The following SLC25A12 variants were observed in gnomAD, a reference collection of about 807,000 sequenced individuals.
The protein encoded by SLC25A12 is solute carrier family 25 member 12, also known as electrogenic aspartate/glutamate antiporter SLC25A12, mitochondrial.
SLC25A12 carries 32 observed loss-of-function variants against 83.3 expected under a neutral mutation model. The ratio of observed to expected loss-of-function variants is 0.38; its 90% confidence interval spans 0.29 to 0.52. The LOEUF (loss-of-function observed/expected upper bound fraction) is 0.52. Among genes scored for constraint, SLC25A12 ranks in the 20% least tolerant of loss-of-function variants. SLC25A12 has a pLI of 0.84. For synonymous variants in SLC25A12, 267 were observed against 291.1 expected, an observed-to-expected ratio of 0.92 and a Z score of 0.84; for missense variants, 611 against 835.6, an observed-to-expected ratio of 0.73 and a Z score of 3.31.
chr2:171,817,600 CAAAAAAA>C (rs71013076), intron 9 of SLC25A12, among the ~76,000 whole-genome samples: 74 of 64,260 alleles, frequency 1.2e-3, no homozygotes, highest in Admixed American at 3.7e-3. Flanking sequence ...GACTCTGCCT[CAAAAAAA>C]AAAAAAAAAA....
chr2:171,801,205 G>C (rs918106500), intron 13 of SLC25A12, among the ~76,000 whole-genome samples: 1 of 152,234 alleles, frequency 6.6e-6, no homozygotes, highest in East Asian at 1.9e-4. Context: ...GATTTATTTT[G>C]ACACAATCAA....
chr2:171,812,468 G>C (rs1272773342), intron 11 of SLC25A12, among the ~76,000 whole-genome samples: 2 of 152,170 alleles, frequency 1.3e-5, no homozygotes, highest in African/African-American at 4.8e-5. Context: ...ATGGACTTGA[G>C]CATGTAGAGA....
At chr2:171,824,242 T>C (rs1684253483) in intron 9 of SLC25A12, among the ~76,000 whole-genome samples, 1 of 152,220 alleles carries the variant, frequency 6.6e-6, no homozygotes, top group Non-Finnish European at 1.5e-5. Flanking sequence ...TCATCTTGAA[T>C]CTGTCTTAAA....
intron 3 of SLC25A12, among the ~76,000 whole-genome samples, chr2:171,861,578 T>C (rs1054325824): frequency 3.3e-5 from 5 of 152,184 alleles, no homozygotes; most frequent in African/African-American, 1.2e-4. Flanking sequence ...GGTTAATTTT[T>C]AAATGTTTTT....
intron 1 of SLC25A12, 134 bp downstream of exon 1, chr2:171,894,069 C>T: frequency 8.0e-7 from 1 of 1,247,680 alleles, no homozygotes; most frequent in Non-Finnish European, 1.1e-6. Flanking sequence ...GCTCTCCCCG[C>T]AGCAAGCCGG....
intron 3 of SLC25A12, among the ~76,000 whole-genome samples, chr2:171,868,284 C>A (rs1388150802): frequency 6.6e-6 from 1 of 150,914 alleles, no homozygotes; most frequent in Admixed American, 6.6e-5. Context: ...ATTCTAGATA[C>A]CCGTAGGTAA....
intron 2 of SLC25A12, among the ~76,000 whole-genome samples, chr2:171,872,601 A>G (rs1395774053): frequency 6.6e-6 from 1 of 152,220 alleles, no homozygotes; most frequent in Non-Finnish European, 1.5e-5. Context: ...AGTTCCATCC[A>G]CCAGTAACTA....
At chr2:171,852,266 C>T (rs1684950317) in intron 4 of SLC25A12, among the ~76,000 whole-genome samples, 1 of 152,090 alleles carries the variant, frequency 6.6e-6, no homozygotes, top group African/African-American at 2.4e-5. Context: ...TATAAACACT[C>T]AAGTAAATGT....
rs79923204 is a variant in SLC25A12 at position 171,885,939 on chromosome 2, C to T, written c.66+7266G>A. Among the ~76,000 whole-genome samples the T allele has an allele frequency of 0.034, 5,119 of 152,160 alleles. 779 individuals carry two copies. In the East Asian group the frequency reaches 0.52, roughly 15 times the overall value. Reference sequence around the variant, plus strand: ...TATACATTGAGACTATTTTTATTTTCCTCTTTATTCTTCCCTCAAGTTAAC... The same window carrying T: ...TATACATTGAGACTATTTTTATTTTTCTCTTTATTCTTCCCTCAAGTTAAC... On this transcript the variant is annotated intron_variant, in intron 2 of 17. Transcript: ENST00000422440.
Position 171,787,657 on chromosome 2 carries a change from T to G in SLC25A12, c.1749A>C (p.Arg583=), listed in dbSNP as rs1369539430. ...CAAACTGGGGAGAGGATCGAAACAC[T>G]CGAGCTGAAAAAGAGAAGCAGGGGC... ...PSAFWKGTAA[R]VFRSSPQFGV... Residue 583 remains arginine, a synonymous_variant, in exon 17 of 18, where the codon CGA becomes CGC. Transcript: ENST00000422440. 1 of 1,613,848 alleles carries G rather than the reference T, an allele frequency of 6.2e-7. No homozygotes were observed. The highest frequency in any genetic ancestry group is 1.7e-5 in the Admixed American group (1 of 59,996).
intron 1 of SLC25A12, among the ~76,000 whole-genome samples, chr2:171,893,941 C>T (rs1463519188): frequency 6.6e-6 from 1 of 152,036 alleles, no homozygotes; most frequent in Non-Finnish European, 1.5e-5. Context: ...GCACCTAGGA[C>T]AGGACATTAC....
chr2:171,855,855 C>T lies in SLC25A12; in HGVS notation c.304G>A (p.Gly102Arg), dbSNP rs1685034112. ...IVAFQLFDKS[G>R]NGEVTFENVK... Reference sequence around the variant, plus strand: ...TTACCAAATGTCACCTCTCCATTTCCACTCTTGTCAAACAACTGGAAAGCC... The same window carrying T: ...TTACCAAATGTCACCTCTCCATTTCTACTCTTGTCAAACAACTGGAAAGCC... Residue 102 changes from glycine to arginine, a missense_variant, in exon 4 of 18, where the codon GGA (glycine) becomes AGA (arginine). By Grantham distance (125) the Gly-to-Arg change is moderately radical. Coordinates refer to ENST00000422440, the MANE Select transcript of SLC25A12 (RefSeq NM_003705.5). 6.2e-7 allele frequency: 1 copy of T among 1,608,872 alleles called. No homozygotes were observed. Among genetic ancestry groups the T allele is most frequent in the Non-Finnish European group, 8.5e-7 (1 of 1,175,408 alleles).
At chr2:171,886,538 T>C (rs535738310) in intron 2 of SLC25A12, among the ~76,000 whole-genome samples, 9 of 148,440 alleles carry the variant, frequency 6.1e-5, no homozygotes, top group East Asian at 4.0e-4. Context: ...GAGACAGAGT[T>C]TCGCTCTGTC....
rs182511558 is a variant in SLC25A12, at chr2:171,789,366, C to T, written c.1586-1419G>A. ...GCCTCAGCCTCCCCAGTAGCTGGGA[C>T]TACAGAAGCCCGCCACCACGCCCGG... On this transcript the variant is annotated intron_variant, in intron 15 of 17. Coordinates refer to ENST00000422440, the MANE Select transcript of SLC25A12 (RefSeq NM_003705.5). Among the ~76,000 whole-genome samples the T allele has an allele frequency of 3.9e-3, 598 of 152,260 alleles. 2 individuals carry two copies. Among genetic ancestry groups the T allele is most frequent in the Admixed American group, 9.1e-3 (140 of 15,308 alleles).
At chr2:171,834,648 A>G in intron 7 of SLC25A12, 79 bp downstream of exon 7, 1 of 1,489,238 alleles carries the variant, frequency 6.7e-7, no homozygotes, top group Non-Finnish European at 9.3e-7. Flanking sequence ...TAGAGTGGTA[A>G]GCTTAGATCA....
At chr2:171,870,976 G>A (rs1685444711) in intron 2 of SLC25A12, among the ~76,000 whole-genome samples, 1 of 151,964 alleles carries the variant, frequency 6.6e-6, no homozygotes, top group African/African-American at 2.4e-5. Context: ...GGAGGCCAAG[G>A]CAGGAGGATC....
intron 2 of SLC25A12, among the ~76,000 whole-genome samples, chr2:171,869,162 G>A (rs751399836): frequency 7.2e-5 from 11 of 152,210 alleles, no homozygotes; most frequent in Admixed American, 1.3e-4. Context: ...TTGGTTGCCA[G>A]GAGCTGAAAG....
At chr2:171,795,538 T>A (rs1683579911) in intron 13 of SLC25A12, among the ~76,000 whole-genome samples, 1 of 152,230 alleles carries the variant, frequency 6.6e-6, no homozygotes, top group African/African-American at 2.4e-5. Context: ...AAGACTATCT[T>A]AAATAATGGT....
chr2:171,877,071 A>C (rs2105924784), intron 2 of SLC25A12, among the ~76,000 whole-genome samples: 1 of 152,360 alleles, frequency 6.6e-6, no homozygotes, highest in Admixed American at 6.5e-5. Context: ...TATAGTTAGC[A>C]TGTGCTCAGG....
Sources: gnomAD v4.1 joint callset for allele counts (sites outside exome capture counted in the v4.1 genomes callset) on GRCh38, gnomAD v4.1.1 for gene constraint, MANE v1.5 for transcripts, NCBI Gene and HGNC (gene_info 2026-07-23, HGNC 2026-07-21) for gene names.